The following HS3ST4 variants were observed in gnomAD, a reference collection of about 807,000 sequenced individuals.
HS3ST4 encodes the protein heparan sulfate-glucosamine 3-sulfotransferase 4, also known as heparan sulfate glucosamine 3-O-sulfotransferase 4.
A neutral mutation model predicts 29.2 loss-of-function variants in HS3ST4; 17 were observed. The ratio of observed to expected loss-of-function variants is 0.58; its 90% CI spans 0.40 to 0.87. The LOEUF (loss-of-function observed/expected upper bound fraction) is 0.87. HS3ST4 is among the 40% of genes least tolerant of loss of function. The pLI is 0.00. For synonymous variants in HS3ST4, 314 were observed against 285.7 expected (o/e 1.10, Z -1.00); for missense variants, 627 against 634.5 (o/e 0.99, Z 0.13).
chr16:25,740,556 T>C (rs1231191936), intron 1 of HS3ST4, among the ~76,000 whole-genome samples: 1 of 152,204 alleles, frequency 6.6e-6, no homozygotes, highest in Non-Finnish European at 1.5e-5. Flanking sequence ...CCCGGTATTC[T>C]GGTTGTAGCT....
chr16:25,789,160 A>G (rs1966862631), intron 1 of HS3ST4, among the ~76,000 whole-genome samples: 1 of 152,018 alleles, frequency 6.6e-6, no homozygotes, highest in South Asian at 2.1e-4. Context: ...AGAAGATGAA[A>G]TGAGAGCCAT....
intron 1 of HS3ST4, among the ~76,000 whole-genome samples, chr16:26,038,904 C>T (rs1251388215): frequency 6.6e-6 from 1 of 151,964 alleles, no homozygotes; most frequent in Non-Finnish European, 1.5e-5. Flanking sequence ...AGGATGGTCT[C>T]GATCTCCTGA....
At chr16:25,852,888 A>G (rs1216315443) in intron 1 of HS3ST4, among the ~76,000 whole-genome samples, 1 of 152,120 alleles carries the variant, frequency 6.6e-6, no homozygotes, top group African/African-American at 2.4e-5. Context: ...TTGTGTGTGC[A>G]ATGTGAAGGA....
intron 1 of HS3ST4, among the ~76,000 whole-genome samples, chr16:25,774,702 A>G (rs551725450): frequency 4.7e-4 from 71 of 152,252 alleles, no homozygotes; most frequent in Non-Finnish European, 8.2e-4. Context: ...TGCGTGGCAT[A>G]CTATAGGCAC....
chr16:26,131,196 TTCTC>T (rs1899414168), intron 1 of HS3ST4, among the ~76,000 whole-genome samples: 2 of 152,170 alleles, frequency 1.3e-5, no homozygotes, highest in Non-Finnish European at 2.9e-5. Flanking sequence ...ATTTCTCTCT[TTCTC>T]TCCTAAAATT....
intron 1 of HS3ST4, among the ~76,000 whole-genome samples, chr16:25,863,174 C>T (rs1967655902): frequency 6.6e-6 from 1 of 152,038 alleles, no homozygotes; most frequent in South Asian, 2.1e-4. Flanking sequence ...TTTTCTGCCT[C>T]CAGGGTTCAA....
chr16:26,104,949 C>T (rs2141798983), intron 1 of HS3ST4, among the ~76,000 whole-genome samples: 2 of 152,308 alleles, frequency 1.3e-5, no homozygotes, highest in South Asian at 4.1e-4. Flanking sequence ...ACATCTCCAA[C>T]ACATTTATCT....
intron 1 of HS3ST4, among the ~76,000 whole-genome samples, chr16:26,098,573 A>G (rs1479167239): frequency 1.3e-5 from 2 of 152,056 alleles, no homozygotes; most frequent in East Asian, 1.9e-4. Flanking sequence ...ATCACACACC[A>G]GGGCCTGTCA....
chr16:25,727,810 G>A (rs1966546872), intron 1 of HS3ST4, among the ~76,000 whole-genome samples: 1 of 152,102 alleles, frequency 6.6e-6, no homozygotes, highest in South Asian at 2.1e-4. Flanking sequence ...GATCATTCAG[G>A]TGTTTTATGG....
chr16:26,036,009 GAA>G (rs2141755994), intron 1 of HS3ST4, among the ~76,000 whole-genome samples: 1 of 152,328 alleles, frequency 6.6e-6, no homozygotes, highest in East Asian at 1.9e-4. Context: ...GGTGTTCACT[GAA>G]AGTCTCTCTC....
intron 1 of HS3ST4, among the ~76,000 whole-genome samples, chr16:25,939,932 A>G (rs992943999): frequency 1.3e-5 from 2 of 152,072 alleles, no homozygotes; most frequent in Non-Finnish European, 2.9e-5. Context: ...ACTGGATAAG[A>G]CTCTGGACCC....
intron 1 of HS3ST4, among the ~76,000 whole-genome samples, chr16:26,043,182 A>G (rs1436033524): frequency 6.6e-6 from 1 of 152,222 alleles, no homozygotes; most frequent in Non-Finnish European, 1.5e-5. Context: ...TGCAAGCATA[A>G]TGCACACACA....
chr16:26,029,347 T>C (rs1402299342), intron 1 of HS3ST4, among the ~76,000 whole-genome samples: 1 of 152,154 alleles, frequency 6.6e-6, no homozygotes, highest in Non-Finnish European at 1.5e-5. Flanking sequence ...AATGGTCCGC[T>C]ATTGCCATCT....
At chr16:26,090,390 C>G (rs1898842447) in intron 1 of HS3ST4, among the ~76,000 whole-genome samples, 1 of 151,930 alleles carries the variant, frequency 6.6e-6, no homozygotes, top group Non-Finnish European at 1.5e-5. Flanking sequence ...CCCAGATTAC[C>G]CAAGGTACAT....
intron 1 of HS3ST4, among the ~76,000 whole-genome samples, chr16:26,006,887 G>A (rs1398760367): frequency 2.0e-5 from 3 of 152,168 alleles, no homozygotes; most frequent in East Asian, 3.8e-4. Flanking sequence ...TTTTGGGGAA[G>A]GGCTATTATC....
chr16:25,938,004 T>C (rs1968533698), intron 1 of HS3ST4, among the ~76,000 whole-genome samples: 1 of 152,134 alleles, frequency 6.6e-6, no homozygotes, highest in Admixed American at 6.5e-5. Context: ...TAACTGGGCT[T>C]TCTGGGGCAA....
At chr16:26,132,182 C>A (rs1354283310) in intron 1 of HS3ST4, among the ~76,000 whole-genome samples, 1 of 152,102 alleles carries the variant, frequency 6.6e-6, no homozygotes, top group African/African-American at 2.4e-5. Flanking sequence ...CCATAGTGAT[C>A]ATTTATGGAA....
chr16:26,095,496 C>G (rs192067338), intron 1 of HS3ST4, among the ~76,000 whole-genome samples: 1 of 152,306 alleles, frequency 6.6e-6, no homozygotes, highest in Non-Finnish European at 1.5e-5. Context: ...GGAAACTGAA[C>G]AACTTGCTCC....
chr16:25,950,604 G>A (rs112622679), intron 1 of HS3ST4, among the ~76,000 whole-genome samples: 4,912 of 151,928 alleles, frequency 0.032, 269 homozygotes, highest in African/African-American at 0.11. Context: ...GTTCTGTTGA[G>A]TCATTTCAAA....
Sources: allele counts gnomAD v4.1 joint callset (sites outside exome capture counted in the v4.1 genomes callset), GRCh38; gene constraint gnomAD v4.1.1; transcripts MANE v1.5; gene names NCBI Gene and HGNC (gene_info 2026-07-23, HGNC 2026-07-21).